BIN2: variants seen among roughly 807,000 people sequenced by gnomAD.
BIN2 encodes breast cancer associated protein BRAP1.
BIN2 carries 43 observed loss-of-function variants against 67.9 expected under a neutral mutation model. The ratio of observed to expected loss-of-function variants is 0.63; its 90% confidence interval spans 0.50 to 0.82. BIN2 has a LOEUF of 0.82. Among genes scored for constraint, BIN2 ranks in the 40% least tolerant of loss-of-function variants. The pLI, the probability that BIN2 is intolerant of heterozygous loss-of-function variation, is 0.00. For synonymous variants in BIN2, 244 were observed against 246.8 expected (o/e 0.99, Z 0.11); for missense variants, 581 against 671.6 (o/e 0.87, Z 1.49).
At chr12:51,293,717 A>G (rs552101096) in intron 9 of BIN2, among the ~76,000 whole-genome samples, 7 of 152,236 alleles carry the variant, frequency 4.6e-5, no homozygotes, top group South Asian at 2.1e-4. Flanking sequence ...TAAATGGCCA[A>G]TAACATGAAA....
At chr12:51,320,637 T>A (rs76084186) in intron 1 of BIN2, among the ~76,000 whole-genome samples, 25,270 of 117,424 alleles carry the variant, frequency 0.22, 2,191 homozygotes, top group African/African-American at 0.26. Context: ...CATTATTCTT[T>A]TTTTTTTTTT....
At chr12:51,318,690 T>C (rs1439907473) in intron 1 of BIN2, among the ~76,000 whole-genome samples, 1 of 152,230 alleles carries the variant, frequency 6.6e-6, no homozygotes, top group Non-Finnish European at 1.5e-5. Flanking sequence ...CTGTAAGTCT[T>C]CAGGCAAGTC....
chr12:51,317,958 G>A (rs889766997), intron 1 of BIN2, among the ~76,000 whole-genome samples: 1 of 151,988 alleles, frequency 6.6e-6, no homozygotes, highest in Non-Finnish European at 1.5e-5. Context: ...ACCGCAGTCC[G>A]GCCTAGGCAA....
intron 9 of BIN2, 99 bp from the exon 10 acceptor site, chr12:51,292,443 A>C (rs1945414735): frequency 4.6e-6 from 6 of 1,308,622 alleles, no homozygotes; most frequent in Non-Finnish European, 5.1e-6. Context: ...AGAATAAAGC[A>C]ATTTAAAATG....
In BIN2 at chr12:51,291,975, T is replaced by C; in HGVS notation, c.1131A>G (p.Ser377=). 1 of 1,614,174 alleles carries C rather than the reference T, an allele frequency of 6.2e-7. No homozygotes were observed. Among genetic ancestry groups the C allele is most frequent in the Non-Finnish European group, 8.5e-7 (1 of 1,180,024 alleles). The change falls in exon 10 of 13, where the codon TCA becomes TCG. Residue 377 remains serine, a synonymous_variant. Coordinates refer to ENST00000615107, the MANE Select transcript of BIN2 (RefSeq NM_016293.4). ...CTGTGGCAGATGATGAAGGCTGCCC[T>C]GAAGGGCTCAGGGCTCCGCCTGGTG... ...TPSPGGALSP[S]GQPSSSATEV...
chr12:51,321,743 C>G (rs1946289077), intron 1 of BIN2, among the ~76,000 whole-genome samples: 1 of 152,218 alleles, frequency 6.6e-6, no homozygotes, highest in Admixed American at 6.5e-5. Context: ...ATAATAGGCG[C>G]TTGATATTTG....
At chr12:51,284,096 T>G (rs1216390891) in intron 12 of BIN2, among the ~76,000 whole-genome samples, 1 of 152,126 alleles carries the variant, frequency 6.6e-6, no homozygotes, top group Admixed American at 6.6e-5. Context: ...GCCTTCACAT[T>G]CACTCACCAC....
At chr12:51,320,963 A>ACACACACACACACACACACACACACACC (rs1565693400) in intron 1 of BIN2, among the ~76,000 whole-genome samples, 1 of 151,780 alleles carries the variant, frequency 6.6e-6, no homozygotes. Context: ...AAACACACAC[A>ACACACACACACACACACACACACACACC]CACACACTCT....
intron 2 of BIN2, among the ~76,000 whole-genome samples, chr12:51,311,813 C>A (rs916365381): frequency 3.3e-5 from 5 of 151,646 alleles, no homozygotes; most frequent in Non-Finnish European, 5.9e-5. Context: ...ACTCTGTCAC[C>A]CAGGCTGGAG....
chr12:51,291,054 CAGG>C (rs1378424791), intron 10 of BIN2, among the ~76,000 whole-genome samples: 1 of 152,148 alleles, frequency 6.6e-6, no homozygotes, highest in African/African-American at 2.4e-5. Context: ...GAGGCTGAGG[CAGG>C]AGAATCACTT....
chr12:51,292,096 A>G lies in BIN2; in HGVS notation c.1010T>C (p.Leu337Pro). Reference sequence around the variant, plus strand: ...CTGGGCGGGGCCATTGCAGGCTGGTAGAGGCTCATCTTCCTCAGAGGAGCT... The same window carrying G: ...CTGGGCGGGGCCATTGCAGGCTGGTGGAGGCTCATCTTCCTCAGAGGAGCT... ...EASSSEEDEP[L>P]PACNGPAQAQ... Residue 337 changes from leucine to proline, a missense_variant, in exon 10 of 13, where the codon CTA becomes CCA. Transcript: ENST00000615107. 6.2e-7 allele frequency: 1 copy of G among 1,614,122 alleles called. No individual in the cohort carries two copies. Among genetic ancestry groups the G allele is most frequent in the Non-Finnish European group, 8.5e-7 (1 of 1,179,998 alleles).
intron 2 of BIN2, among the ~76,000 whole-genome samples, chr12:51,313,211 G>GAAGGAAGA (rs1946039167): frequency 7.1e-6 from 1 of 140,334 alleles, no homozygotes. Flanking sequence ...AGGAAGGAAG[G>GAAGGAAGA]AAGGAAGGAA....
intron 2 of BIN2, among the ~76,000 whole-genome samples, chr12:51,312,846 T>C (rs1420938157): frequency 1.3e-5 from 2 of 152,322 alleles, no homozygotes; most frequent in Admixed American, 6.5e-5. Context: ...GATTCTGATA[T>C]ACACTCAGCT....
rs769637875 is a variant in BIN2, at chr12:51,284,713, T to TA, written c.1668+2dup. On this transcript the variant is annotated splice_region_variant and intron_variant, in intron 12 of 12. Coordinates refer to ENST00000615107, the MANE Select transcript of BIN2 (RefSeq NM_016293.4). ...AATCTATTCTCTGTATATCTGGTCT[T>TA]ACCTCTTCTTGAGGTTCAGGTGCTG... is the stretch of plus-strand genomic sequence containing the variant. 1 of 1,602,994 alleles carries TA rather than the reference T, an allele frequency of 6.2e-7. No individual in the cohort carries two copies. Among genetic ancestry groups the TA allele is most frequent in the Admixed American group, 1.7e-5 (1 of 59,984 alleles).
rs1344292450 is a variant in BIN2, at chr12:51,302,279, C to G, written c.313-164G>C. ...GTCAGAGGAAGAAAAGAGACAGCCCCTACCCCAAGGAACTGCTCTATGGGA... is the reference window on the plus strand; with the variant it reads ...GTCAGAGGAAGAAAAGAGACAGCCCGTACCCCAAGGAACTGCTCTATGGGA... On this transcript the variant is annotated intron_variant, in intron 4 of 12. Coordinates refer to ENST00000615107, the MANE Select transcript of BIN2 (RefSeq NM_016293.4). 3 of 589,872 alleles carry G rather than the reference C, an allele frequency of 5.1e-6. No individual in the cohort carries two copies. In the East Asian group the frequency reaches 8.6e-5, roughly 17 times the overall value. The allele number at this position is 589,872 out of a possible 1,614,324, so 36.5% of individuals were successfully genotyped here.
chr12:51,307,674 C>T (rs1419275282), intron 2 of BIN2, among the ~76,000 whole-genome samples: 1 of 150,810 alleles, frequency 6.6e-6, no homozygotes, highest in Admixed American at 6.6e-5. Context: ...TACACCACTG[C>T]ACTCCAACCT....
At chr12:51,324,201 G>T, upstream of BIN2, 1 of 1,523,116 alleles carries the variant, frequency 6.6e-7, no homozygotes, top group East Asian at 2.4e-5. Context: ...CCTCGCATCC[G>T]GCCCCAGCCC....
chr12:51,284,709 G>T lies in BIN2; in HGVS notation c.1668+7C>A. 1 of 1,596,896 alleles carries T rather than the reference G, an allele frequency of 6.3e-7. No individual in the cohort carries two copies. Among genetic ancestry groups the T allele is most frequent in the Non-Finnish European group, 8.6e-7 (1 of 1,164,540 alleles). ...GCCCAATCTATTCTCTGTATATCTG[G>T]TCTTACCTCTTCTTGAGGTTCAGGT... On this transcript the variant is annotated splice_region_variant and intron_variant, in intron 12 of 12. Coordinates refer to ENST00000615107, the MANE Select transcript of BIN2 (RefSeq NM_016293.4).
At chr12:51,324,490 T>C, upstream of BIN2, 1 of 1,527,200 alleles carries the variant, frequency 6.5e-7, no homozygotes, top group Non-Finnish European at 8.7e-7. Context: ...ATGATGTGGG[T>C]TCCACTCAGC....
Sources: allele counts gnomAD v4.1 joint callset (sites outside exome capture counted in the v4.1 genomes callset), GRCh38; gene constraint gnomAD v4.1.1; transcripts MANE v1.5; gene names NCBI Gene and HGNC (gene_info 2026-07-23, HGNC 2026-07-21).